Variants in QPCT observed in about 807,000 individuals in gnomAD.
QPCT encodes the protein EC.
In QPCT, 44 loss-of-function variants were observed where a neutral mutation model predicts 43.4. The ratio of observed to expected loss-of-function variants is 1.01; its 90% CI spans 0.80 to 1.30. The LOEUF is 1.30. QPCT is among the 50% of genes most tolerant of loss of function. The pLI is 0.00. For synonymous variants in QPCT, 168 were observed against 168.4 expected (o/e 1.00, Z 0.02); for missense variants, 526 against 436.5 (o/e 1.21, Z -1.83).
Position 37,373,093 on chromosome 2 carries a change from C to G in QPCT, c.*266C>G. ...GGAAAATAAATATCTTTCAAAGACT[C>G]TTTTAGATAAACACGATGAGGCAAA... On this transcript the variant is annotated 3_prime_UTR_variant, in exon 7 of 7. Transcript: ENST00000338415. The G allele has an allele frequency of 3.9e-6, 1 of 256,098 alleles. No homozygotes were observed. The highest frequency in any genetic ancestry group is 5.3e-5 in the Admixed American group (1 of 18,946). The allele number at this position is 256,098 out of a possible 1,614,324, so 15.9% of individuals were successfully genotyped here.
At chr2:37,350,414 G>A (rs1672596050) in intron 1 of QPCT, among the ~76,000 whole-genome samples, 1 of 152,158 alleles carries the variant, frequency 6.6e-6, no homozygotes, top group African/African-American at 2.4e-5. Context: ...TTTGGGAGCT[G>A]GCATGAGGAC....
intron 4 of QPCT, among the ~76,000 whole-genome samples, chr2:37,367,805 G>A (rs1422248694): frequency 5.9e-5 from 9 of 152,132 alleles, no homozygotes; most frequent in Non-Finnish European, 1.3e-4. Flanking sequence ...GGAGTTCGAG[G>A]CTGCCGTGAG....
At chr2:37,358,860 A>G (rs1375478438) in intron 2 of QPCT, 1 of 152,210 alleles carries the variant, frequency 6.6e-6, no homozygotes, top group Non-Finnish European at 1.5e-5. Context: ...CCCCCTAGCT[A>G]TGGGAGCTTT....
At chr2:37,370,115 G>A (rs961057655) in intron 5 of QPCT, among the ~76,000 whole-genome samples, 1 of 152,134 alleles carries the variant, frequency 6.6e-6, no homozygotes, top group South Asian at 2.1e-4. Context: ...AACCTGGGAA[G>A]CAGAAGTTGC....
At chr2:37,347,164 A>ATATAT (rs555548922) in intron 1 of QPCT, among the ~76,000 whole-genome samples, 373 of 29,750 alleles carry the variant, frequency 0.013, 38 homozygotes, top group South Asian at 0.02. Context: ...ATATATATAT[A>ATATAT]ACATATATAT....
chr2:37,355,763 TA>T (rs1169887077), intron 2 of QPCT, among the ~76,000 whole-genome samples: 2 of 151,946 alleles, frequency 1.3e-5, no homozygotes, highest in Non-Finnish European at 1.5e-5. Context: ...AAGATAGAAA[TA>T]AAAAAATTAA....
intron 1 of QPCT, among the ~76,000 whole-genome samples, chr2:37,347,196 T>TATATATAACATATATATATAAC (rs1558599489): frequency 3.2e-5 from 2 of 62,756 alleles, no homozygotes; most frequent in African/African-American, 6.8e-5. Flanking sequence ...ATATATAACA[T>TATATATAACATATATATATAAC]ATATATATAA....
intron 3 of QPCT, among the ~76,000 whole-genome samples, chr2:37,365,859 A>C (rs1420600042): frequency 6.6e-6 from 1 of 152,218 alleles, no homozygotes; most frequent in Non-Finnish European, 1.5e-5. Flanking sequence ...AGAAAATACA[A>C]ATGACTTGCC....
intron 3 of QPCT, 126 bp downstream of exon 3, chr2:37,359,984 A>T (rs1672830022): frequency 9.9e-7 from 1 of 1,011,924 alleles, no homozygotes; most frequent in Non-Finnish European, 1.4e-6. Flanking sequence ...CATTTTTATT[A>T]TGAACATTAA....
At chr2:37,361,103 A>G (rs1156944669) in intron 3 of QPCT, among the ~76,000 whole-genome samples, 1 of 152,194 alleles carries the variant, frequency 6.6e-6, no homozygotes, top group Non-Finnish European at 1.5e-5. Context: ...CAACATATAT[A>G]TTCTCATAGT....
chr2:37,355,455 C>G (rs1355640618), intron 2 of QPCT, among the ~76,000 whole-genome samples: 2 of 151,342 alleles, frequency 1.3e-5, no homozygotes, highest in African/African-American at 4.9e-5. Context: ...TTTAGAGTTT[C>G]AAGGTTGTAA....
chr2:37,348,648 C>T (rs1487806967), intron 1 of QPCT, among the ~76,000 whole-genome samples: 5 of 152,134 alleles, frequency 3.3e-5, no homozygotes, highest in Non-Finnish European at 7.3e-5. Flanking sequence ...TAATTAAAAC[C>T]CTCTTTAAAA....
chr2:37,352,847 C>G lies in QPCT; in HGVS notation c.179C>G (p.Thr60Ser). Reference sequence around the variant, plus strand: ...GCTCTTCGGCAAATTGCAGAAGGCACCAGTATCTCTGAAATGTGGCAAAAT... The same window carrying G: ...GCTCTTCGGCAAATTGCAGAAGGCAGCAGTATCTCTGAAATGTGGCAAAAT... ...SSALRQIAEG[T>S]SISEMWQNDL... Residue 60 changes from threonine (T) to serine (S), a missense_variant, in exon 2 of 7, where the codon ACC (threonine) becomes AGC (serine). Coordinates refer to ENST00000338415, the MANE Select transcript of QPCT (RefSeq NM_012413.4). 6.2e-7 allele frequency: 1 copy of G among 1,614,164 alleles called. No individual in the cohort carries two copies. The highest frequency in any genetic ancestry group is 8.5e-7 in the Non-Finnish European group (1 of 1,180,016).
At chr2:37,368,973 G>T (rs1313801423) in intron 4 of QPCT, among the ~76,000 whole-genome samples, 1 of 151,954 alleles carries the variant, frequency 6.6e-6, no homozygotes, top group Non-Finnish European at 1.5e-5. Context: ...TATGTCTTTA[G>T]GATCACACAC....
chr2:37,354,121 C>T (rs1163079616), intron 2 of QPCT, among the ~76,000 whole-genome samples: 2 of 152,252 alleles, frequency 1.3e-5, no homozygotes, highest in Non-Finnish European at 2.9e-5. Context: ...GCCTCGGCCT[C>T]CCGAAGTGCT....
intron 1 of QPCT, among the ~76,000 whole-genome samples, chr2:37,347,215 T>TAA (rs1259208219): frequency 5.6e-5 from 5 of 90,006 alleles, no homozygotes; most frequent in Admixed American, 2.7e-4. Flanking sequence ...AACATATATA[T>TAA]AACATATATA....
At chr2:37,365,894 G>A (rs1421641153) in intron 3 of QPCT, among the ~76,000 whole-genome samples, 1 of 152,200 alleles carries the variant, frequency 6.6e-6, no homozygotes, top group African/African-American at 2.4e-5. Context: ...GCCAATGTGA[G>A]GTTTGTGGTC....
intron 4 of QPCT, 50 bp from the exon 5 acceptor site, chr2:37,369,635 A>G: frequency 7.3e-7 from 1 of 1,377,822 alleles, no homozygotes. Flanking sequence ...GTTGATGAAT[A>G]TAAAACACGT....
At position 37,344,703 on chromosome 2, in the gene QPCT, G is replaced by A. The variant is rs1474037395; in HGVS notation, c.-29G>A. On this transcript the variant is annotated 5_prime_UTR_variant, in exon 1 of 7. Transcript: ENST00000338415. ...GGGCTCGTGACCGCCAGCGGCCCGG[G>A]GAACCCGCTCCCAGACAGACTCGGA... is the stretch of plus-strand genomic sequence containing the variant. 1.3e-6 allele frequency: 2 copies of A among 1,583,426 alleles called. No individual in the cohort carries two copies. The highest frequency in any genetic ancestry group is 1.1e-5 in the South Asian group (1 of 88,298).
Sources: allele counts gnomAD v4.1 joint callset (sites outside exome capture counted in the v4.1 genomes callset), GRCh38; gene constraint gnomAD v4.1.1; transcripts MANE v1.5; gene names NCBI Gene and HGNC (gene_info 2026-07-23, HGNC 2026-07-21).